Variants in MREG observed in about 807,000 individuals in gnomAD.
The protein encoded by MREG is melanoregulin, also known as dilute suppressor protein homolog.
Under a neutral mutation model 28.5 loss-of-function variants are expected in MREG, and 31 were observed. That is an observed-to-expected ratio of 1.09 (90% confidence interval 0.82 to 1.47). MREG has a LOEUF of 1.47. MREG is among the 40% of genes most tolerant of loss of function. The pLI, the probability that MREG is intolerant of heterozygous loss-of-function variation, is 0.00. For synonymous variants in MREG, 106 were observed against 95.2 expected, an observed-to-expected ratio of 1.11 and a Z score of -0.66; for missense variants, 256 against 257.4, an observed-to-expected ratio of 0.99 and a Z score of 0.04.
chr2:215,944,903 C>A lies in MREG; in HGVS notation c.605G>T (p.Gly202Val). The change falls in exon 5 of 5, where the codon GGC (glycine) becomes GTC (valine). Residue 202 changes from glycine to valine, a missense_variant. Gly to Val is a moderately radical substitution (Grantham distance 109, BLOSUM62 -3). Coordinates refer to ENST00000263268, the MANE Select transcript of MREG (RefSeq NM_018000.3). ...CGGAAGGTAGTGCAGTTCTTTCTGG[C>A]CATCTGCCAGGCATGGAACCCCAGG... is the stretch of plus-strand genomic sequence containing the variant. Reference protein sequence around the residue: ...KKPGVPCLADGQKELHYLPFP... With the variant: ...KKPGVPCLADVQKELHYLPFP... The A allele has an allele frequency of 6.2e-7, 1 of 1,607,404 alleles. No homozygotes were observed. Among genetic ancestry groups the A allele is most frequent in the Non-Finnish European group, 8.5e-7 (1 of 1,174,550 alleles).
At chr2:216,022,127 T>A (rs1694528889) in intron 1 of MREG, among the ~76,000 whole-genome samples, 1 of 152,128 alleles carries the variant, frequency 6.6e-6, no homozygotes, top group Non-Finnish European at 1.5e-5. Flanking sequence ...GGCTGGCACC[T>A]GTAATCCCAA....
At chr2:216,005,600 G>A (rs13415485) in intron 1 of MREG, among the ~76,000 whole-genome samples, 5 of 151,206 alleles carry the variant, frequency 3.3e-5, no homozygotes, top group Admixed American at 6.6e-5. Context: ...TATAAGTGCC[G>A]CCACCACACC....
chr2:215,950,275 A>G (rs1254973484), intron 2 of MREG, among the ~76,000 whole-genome samples: 1 of 152,196 alleles, frequency 6.6e-6, no homozygotes, highest in Admixed American at 6.5e-5. Flanking sequence ...CTCATTCATC[A>G]TTGGATCATC....
intron 2 of MREG, among the ~76,000 whole-genome samples, chr2:215,949,068 AC>A (rs1692399894): frequency 7.1e-5 from 10 of 140,602 alleles, no homozygotes; most frequent in South Asian, 2.3e-4. Context: ...TACTACTACT[AC>A]TACTACTACT....
At chr2:215,964,260 G>A (rs1197930357) in intron 2 of MREG, among the ~76,000 whole-genome samples, 1 of 152,110 alleles carries the variant, frequency 6.6e-6, no homozygotes, top group Non-Finnish European at 1.5e-5. Context: ...GAGGCAGGTG[G>A]ATCACTAGAG....
intron 1 of MREG, among the ~76,000 whole-genome samples, chr2:216,028,139 G>A (rs888286445): frequency 6.6e-6 from 1 of 152,090 alleles, no homozygotes; most frequent in African/African-American, 2.4e-5. Flanking sequence ...GTAAAACATA[G>A]GCTTTAAGTG....
intron 1 of MREG, among the ~76,000 whole-genome samples, chr2:216,026,400 C>T (rs1412136814): frequency 6.6e-6 from 1 of 152,154 alleles, no homozygotes; most frequent in Non-Finnish European, 1.5e-5. Flanking sequence ...GTGTCTCACT[C>T]TGTTGCCCAG....
intron 2 of MREG, among the ~76,000 whole-genome samples, chr2:215,955,308 C>G (rs1692593373): frequency 6.6e-6 from 1 of 152,212 alleles, no homozygotes; most frequent in Admixed American, 6.5e-5. Context: ...TATATTCCTG[C>G]ATGTGCCTTA....
intron 1 of MREG, among the ~76,000 whole-genome samples, chr2:216,021,929 T>C (rs1694526831): frequency 6.6e-6 from 1 of 152,134 alleles, no homozygotes; most frequent in Admixed American, 6.6e-5. Flanking sequence ...TCTTGTGGAA[T>C]GCAAAGATGA....
At chr2:215,965,991 C>A (rs1415040325) in intron 2 of MREG, among the ~76,000 whole-genome samples, 1 of 152,170 alleles carries the variant, frequency 6.6e-6, no homozygotes, top group Non-Finnish European at 1.5e-5. Flanking sequence ...AATTGCAATA[C>A]CCAAAATCTT....
chr2:216,013,748 T>C (rs1425810714), upstream of MREG: 1 of 151,944 alleles, frequency 6.6e-6, no homozygotes, highest in African/African-American at 2.4e-5. Flanking sequence ...GAGCACGAGG[T>C]TGGGCTGAAT....
At chr2:216,002,887 C>G (rs542807839) in intron 1 of MREG, among the ~76,000 whole-genome samples, 1 of 151,092 alleles carries the variant, frequency 6.6e-6, no homozygotes, top group South Asian at 2.1e-4. Flanking sequence ...CCCTGTCCTT[C>G]TCTTTCTGTC....
chr2:215,962,702 T>G (rs551654844), intron 2 of MREG, among the ~76,000 whole-genome samples: 1 of 152,250 alleles, frequency 6.6e-6, no homozygotes, highest in South Asian at 2.1e-4. Context: ...ATCTCAAAGA[T>G]CTTGCTATCC....
chr2:215,981,941 C>T (rs1693437182), intron 2 of MREG, among the ~76,000 whole-genome samples: 2 of 152,176 alleles, frequency 1.3e-5, no homozygotes, highest in African/African-American at 2.4e-5. Flanking sequence ...GCTAATGATG[C>T]TGCTCGCTGG....
At chr2:216,010,564 AGC>A (rs1694274833) in intron 1 of MREG, among the ~76,000 whole-genome samples, 1 of 150,076 alleles carries the variant, frequency 6.7e-6, no homozygotes, top group Admixed American at 6.6e-5. Context: ...TCACCGTGTT[AGC>A]CAGGATGGTC....
At position 215,987,835 on chromosome 2, in the gene MREG, G is replaced by A. The variant is rs192429056; in HGVS notation, c.255+8471C>T. Among the ~76,000 whole-genome samples the A allele has an allele frequency of 6.6e-3, 1,000 of 152,132 alleles. 4 individuals carry two copies. Among genetic ancestry groups the A allele is most frequent in the Non-Finnish European group, 0.011 (733 of 67,980 alleles). On this transcript the variant is annotated intron_variant, in intron 2 of 4. Coordinates refer to ENST00000263268, the MANE Select transcript of MREG (RefSeq NM_018000.3). The stretch of plus-strand genomic sequence containing the variant: ...GGAGAATCACTTGAAACCAGGAGAC[G>A]GAGGTTGCAGTGAGCTGAGATCACA...
At position 216,019,297 on chromosome 2, in the gene MREG, T is replaced by A. The variant is rs552494198; in HGVS notation, c.-68+13492A>T. ...AGAGGCAGGAAAAGGGTAATTGTGA[T>A]GAGAGAGCGAGCTAATCCTGAAAAA... On this transcript the variant is annotated intron_variant, in intron 1 of 3. Transcript: ENST00000420348. Among the ~76,000 whole-genome samples, 12 of 152,298 alleles carry A rather than the reference T, an allele frequency of 7.9e-5. No individual in the cohort carries two copies. In the East Asian group the frequency reaches 2.3e-3, roughly 29 times the overall value.
At chr2:215,990,634 CTA>C (rs1437187245) in intron 2 of MREG, among the ~76,000 whole-genome samples, 1 of 152,146 alleles carries the variant, frequency 6.6e-6, no homozygotes, top group Non-Finnish European at 1.5e-5. Flanking sequence ...CATCAGTGTG[CTA>C]TATTCAAGAG....
At position 215,964,735 on chromosome 2, in the gene MREG, C is replaced by A. The variant is rs1476244882; in HGVS notation, c.256-17622G>T. Among the ~76,000 whole-genome samples, 5 of 152,268 alleles carry A rather than the reference C, an allele frequency of 3.3e-5. No individual in the cohort carries two copies. The East Asian group carries it at 9.7e-4, about 29-fold the overall frequency. Reference sequence around the variant, plus strand: ...GTATTATGATTGAGTTATAAAATTTCTGTCACTTTCTGTGAAAACTATTTG... The same window carrying A: ...GTATTATGATTGAGTTATAAAATTTATGTCACTTTCTGTGAAAACTATTTG... On this transcript the variant is annotated intron_variant, in intron 2 of 4. Transcript: ENST00000263268.
Sources: gnomAD v4.1 joint callset for allele counts (sites outside exome capture counted in the v4.1 genomes callset) on GRCh38, gnomAD v4.1.1 for gene constraint, MANE v1.5 for transcripts, NCBI Gene and HGNC (gene_info 2026-07-23, HGNC 2026-07-21) for gene names.